AFAP1L1: variants seen among roughly 807,000 people sequenced by gnomAD.
AFAP1L1 encodes actin filament associated protein 1 like 1.
In AFAP1L1, 77 loss-of-function variants were observed where a neutral mutation model predicts 99.8. The observed-to-expected ratio is 0.77, with a 90% CI of 0.64 to 0.93. The LOEUF (loss-of-function observed/expected upper bound fraction) is 0.93. Ranked by LOEUF, AFAP1L1 falls within the 40% of genes least tolerant of loss-of-function variation. The probability of loss-of-function intolerance (pLI) is 0.00; values close to 1 mark genes in which losing one functional copy is unlikely to be tolerated. For synonymous variants in AFAP1L1, 373 were observed against 395.3 expected (o/e 0.94, Z 0.67); for missense variants, 893 against 996.8 (o/e 0.90, Z 1.40).
chr5:149,289,338 A>G (rs1755781307), intron 1 of AFAP1L1, among the ~76,000 whole-genome samples: 3 of 152,312 alleles, frequency 2.0e-5, no homozygotes, highest in Middle Eastern at 6.8e-3. Context: ...AATCGCTGTA[A>G]TTAACACACA....
chr5:149,292,943 T>G (rs1659093), intron 1 of AFAP1L1, among the ~76,000 whole-genome samples: 132,870 of 152,150 alleles, frequency 0.87, 58,276 homozygotes, highest in Non-Finnish European at 0.91. Context: ...CTCACCTTGC[T>G]TGGAGGGGGT....
At chr5:149,311,005 A>AGTGAG (rs1661728571) in intron 8 of AFAP1L1, among the ~76,000 whole-genome samples, 1 of 152,206 alleles carries the variant, frequency 6.6e-6, no homozygotes, top group South Asian at 2.1e-4. Context: ...CCTGCCAGGC[A>AGTGAG]GTGAGTGTGT....
At chr5:149,300,118 A>C (rs1581309647) in intron 2 of AFAP1L1, among the ~76,000 whole-genome samples, 153 bp from the exon 3 acceptor site, 1 of 152,206 alleles carries the variant, frequency 6.6e-6, no homozygotes, top group African/African-American at 2.4e-5. Flanking sequence ...GTAAAAACTA[A>C]AACAAAGTTT....
At chr5:149,291,931 G>A (rs570194462) in intron 1 of AFAP1L1, among the ~76,000 whole-genome samples, 5 of 152,234 alleles carry the variant, frequency 3.3e-5, no homozygotes, top group African/African-American at 7.2e-5. Flanking sequence ...TTTTTAAATG[G>A]TGCTAGTTGC....
At chr5:149,313,334 CGATG>C (rs764240260) in intron 9 of AFAP1L1, among the ~76,000 whole-genome samples, 168 of 152,250 alleles carry the variant, frequency 1.1e-3, no homozygotes, top group Non-Finnish European at 1.8e-3. Context: ...GGGCCTTGCA[CGATG>C]TAATCGAGGC....
At chr5:149,335,483 CA>C in intron 17 of AFAP1L1, 110 bp from the exon 18 acceptor site, 1 of 1,397,008 alleles carries the variant, frequency 7.2e-7, no homozygotes, top group South Asian at 1.5e-5. Flanking sequence ...GACTCTGTCT[CA>C]AAAATAAAAA....
rs912407560 is a variant in AFAP1L1 at position 149,343,239 on chromosome 5, G to A, written c.*3209G>A. Among the ~76,000 whole-genome samples, 1 of 151,936 alleles carries A rather than the reference G, an allele frequency of 6.6e-6. No homozygotes were observed. The highest frequency in any genetic ancestry group is 1.5e-5 in the Non-Finnish European group (1 of 68,016). Reference sequence around the variant, plus strand: ...TCCTCATGGAACTCAGAGACAAGCAGGAAAGAAAATGTGACCCAAATAACT... The same window carrying A: ...TCCTCATGGAACTCAGAGACAAGCAAGAAAGAAAATGTGACCCAAATAACT... On this transcript the variant is annotated 3_prime_UTR_variant, in exon 19 of 19. Transcript: ENST00000296721.
At chr5:149,337,988 G>A (rs771496511) in intron 18 of AFAP1L1, among the ~76,000 whole-genome samples, 2 of 152,202 alleles carry the variant, frequency 1.3e-5, no homozygotes, top group Non-Finnish European at 2.9e-5. Flanking sequence ...AGCAAAGAGG[G>A]AAAGCGAGCG....
At chr5:149,285,676 G>T (rs990796376) in intron 1 of AFAP1L1, among the ~76,000 whole-genome samples, 10 of 152,158 alleles carry the variant, frequency 6.6e-5, no homozygotes, top group African/African-American at 2.4e-4. Flanking sequence ...TCTTAGTTCA[G>T]ATTGCTGGAA....
At chr5:149,289,287 GT>G (rs900313515) in intron 1 of AFAP1L1, among the ~76,000 whole-genome samples, 32 of 152,218 alleles carry the variant, frequency 2.1e-4, no homozygotes, top group Middle Eastern at 3.4e-3. Flanking sequence ...AGTCAAATTT[GT>G]ACTATTCTCT....
rs147613248 is a variant in AFAP1L1 at position 149,329,008 on chromosome 5, A to C, written c.1811-658A>C. Among the ~76,000 whole-genome samples, 659 of 152,166 alleles carry C rather than the reference A, an allele frequency of 4.3e-3. 2 individuals carry two copies. The highest frequency in any genetic ancestry group is 0.02 in the Middle Eastern group (6 of 294). On this transcript the variant is annotated intron_variant, in intron 15 of 18. Transcript: ENST00000296721. ...CCCCCAACCCCTTCCCCAGTAATAA[A>C]ATGGACAATGCCTGACTGTAGTCCA...
chr5:149,307,818 T>TTCTCTATCTCTCTCTCTC (rs1756473855), intron 7 of AFAP1L1, among the ~76,000 whole-genome samples: 1 of 100,504 alleles, frequency 9.9e-6, no homozygotes, highest in African/African-American at 4.0e-5. Context: ...GTGCCTCTCT[T>TTCTCTATCTCTCTCTCTC]TCTCTCTCTC....
chr5:149,298,285 C>A (rs1411875934), intron 1 of AFAP1L1, among the ~76,000 whole-genome samples: 1 of 152,190 alleles, frequency 6.6e-6, no homozygotes, highest in East Asian at 1.9e-4. Flanking sequence ...AGTTATTTAT[C>A]TTCTCTGAGC....
chr5:149,332,837 C>G lies in AFAP1L1; in HGVS notation c.2118C>G (p.Ala706=), dbSNP rs1561686557. 6.2e-7 allele frequency: 1 copy of G among 1,609,858 alleles called. No individual in the cohort carries two copies. The highest frequency in any genetic ancestry group is 1.1e-5 in the South Asian group (1 of 90,636). Residue 706 remains alanine (A), a synonymous_variant, in exon 17 of 19, where the codon GCC becomes GCG. Transcript: ENST00000296721. ...AGCAGTCCCTGGCAGGAGGGCCAGC[C>G]CTGGGGCTCTCCGTGAGCAGCAAGC... ...RLQQSLAGGP[A]LGLSVSSKPK...
intron 1 of AFAP1L1, among the ~76,000 whole-genome samples, chr5:149,295,756 G>T (rs907562297): frequency 2.6e-5 from 4 of 152,210 alleles, no homozygotes; most frequent in Non-Finnish European, 2.9e-5. Flanking sequence ...AGCTAGGGAT[G>T]AGGGAGTTGC....
chr5:149,319,404 T>A (rs1350540107), intron 12 of AFAP1L1, among the ~76,000 whole-genome samples, 178 bp from the exon 13 acceptor site: 1 of 152,162 alleles, frequency 6.6e-6, no homozygotes, highest in East Asian at 1.9e-4. Context: ...CCTGAATAGA[T>A]GGAAGAAGGG....
chr5:149,285,718 G>A (rs1755658057), intron 1 of AFAP1L1, among the ~76,000 whole-genome samples: 1 of 152,146 alleles, frequency 6.6e-6, no homozygotes, highest in South Asian at 2.1e-4. Flanking sequence ...TAATATTGTG[G>A]TCTTGGAACT....
intron 1 of AFAP1L1, among the ~76,000 whole-genome samples, chr5:149,292,906 A>AC (rs1755902813): frequency 6.6e-6 from 1 of 152,018 alleles, no homozygotes; most frequent in Non-Finnish European, 1.5e-5. Flanking sequence ...TTGCGTTACT[A>AC]CCCCTCTGTC....
intron 1 of AFAP1L1, among the ~76,000 whole-genome samples, chr5:149,272,404 C>T (rs1207496754): frequency 6.6e-6 from 1 of 152,160 alleles, no homozygotes; most frequent in Non-Finnish European, 1.5e-5. Context: ...AAGTTTGCAG[C>T]TGCCTAGGGC....
Sources: allele counts gnomAD v4.1 joint callset (sites outside exome capture counted in the v4.1 genomes callset), GRCh38; gene constraint gnomAD v4.1.1; transcripts MANE v1.5; gene names NCBI Gene and HGNC (gene_info 2026-07-23, HGNC 2026-07-21).